Variants in AKAP9 observed in about 807,000 individuals in gnomAD.
The protein encoded by AKAP9 is A-kinase anchoring protein 9.
A neutral mutation model predicts 488.5 loss-of-function variants in AKAP9; 311 were observed. The observed-to-expected ratio is 0.64, with a 90% CI of 0.58 to 0.70. The LOEUF is 0.70. AKAP9 is among the 30% of genes least tolerant of loss of function. AKAP9 has a pLI of 0.00. For missense variants in AKAP9, 4,215 were observed against 4,374.5 expected, an observed-to-expected ratio of 0.96 and a Z score of 1.03; for synonymous variants, 1,462 against 1,483.5, an observed-to-expected ratio of 0.99 and a Z score of 0.33.
At chr7:92,107,522 A>G (rs1036767580) in intron 48 of AKAP9, 100 bp downstream of exon 48, 2 of 1,180,126 alleles carry the variant, frequency 1.7e-6, no homozygotes, top group African/African-American at 3.1e-5. Flanking sequence ...GCATTGAGAT[A>G]GACATCTTTG....
intron 1 of AKAP9, among the ~76,000 whole-genome samples, chr7:91,948,173 T>G (rs911861753): frequency 3.9e-5 from 6 of 152,250 alleles, no homozygotes; most frequent in African/African-American, 7.2e-5. Flanking sequence ...TATACCATAA[T>G]TTGTCCAATG....
At position 92,079,948 on chromosome 7, in the gene AKAP9, C is replaced by A; in HGVS notation, c.7815C>A (p.Thr2605=). The change falls in exon 31 of 50, where the codon ACC becomes ACA. Residue 2605 remains threonine, a synonymous_variant. Transcript: ENST00000356239. Reference sequence around the variant, plus strand: ...TGGGGTCAGATATATCAGCATTAACCTTGAGAATATCAGAATTAGAAAGCC... The same window carrying A: ...TGGGGTCAGATATATCAGCATTAACATTGAGAATATCAGAATTAGAAAGCC... ...DELGSDISAL[T]LRISELESQV... is the part of the protein sequence containing the mutation. The A allele has an allele frequency of 6.3e-7, 1 of 1,598,828 alleles. No individual in the cohort carries two copies. Among genetic ancestry groups the A allele is most frequent in the South Asian group, 1.1e-5 (1 of 87,204 alleles).
chr7:91,987,154 C>G (rs1482167299), intron 3 of AKAP9, among the ~76,000 whole-genome samples: 1 of 152,112 alleles, frequency 6.6e-6, no homozygotes, highest in Non-Finnish European at 1.5e-5. Context: ...GTGGCTCATT[C>G]ATGCCTGTAA....
intron 16 of AKAP9, among the ~76,000 whole-genome samples, chr7:92,033,341 T>G (rs1804594828): frequency 6.6e-6 from 1 of 152,150 alleles, no homozygotes; most frequent in Admixed American, 6.5e-5. Context: ...TAATATAGAT[T>G]GTTGATATTA....
Position 92,097,673 on chromosome 7 carries a change from G to T in AKAP9, c.10486G>T (p.Ala3496Ser), listed in dbSNP as rs759219564. 13 of 1,613,972 alleles carry T rather than the reference G, an allele frequency of 8.1e-6. No homozygotes were observed. The highest frequency in any genetic ancestry group is 1.3e-5 in the African/African-American group (1 of 75,020). ...AGGAGAAACAAAAGAATCAAACTAC[G>T]CTAAATTGATTGAAATGAATGGAGG... Reference protein sequence around the residue: ...IEGETKESNYAKLIEMNGGGT... With the variant: ...IEGETKESNYSKLIEMNGGGT... Residue 3496 changes from alanine (A) to serine (S), a missense_variant, in exon 42 of 50, where the codon GCT becomes TCT. Transcript: ENST00000356239.
In AKAP9 at chr7:92,004,050, A is replaced by G. The variant is rs901496836; in HGVS notation, c.3318+815A>G. Among the ~76,000 whole-genome samples, 38 of 152,228 alleles carry G rather than the reference A, an allele frequency of 2.5e-4. 1 individual carries two copies. The highest frequency in any genetic ancestry group is 1.2e-4 in the Non-Finnish European group (8 of 68,028). On this transcript the variant is annotated intron_variant, in intron 8 of 49. Coordinates refer to ENST00000356239, the MANE Select transcript of AKAP9 (RefSeq NM_005751.5). ...GTGAGGGAGGCAGATGATAAATGAAACAAGTAGGATAGTGAGAAATAGTGA... is the reference window on the plus strand; with the variant it reads ...GTGAGGGAGGCAGATGATAAATGAAGCAAGTAGGATAGTGAGAAATAGTGA...
Position 92,097,607 on chromosome 7 carries a change from A to G in AKAP9, c.10420A>G (p.Ser3474Gly), listed in dbSNP as rs1256625939. The G allele has an allele frequency of 6.2e-7, 1 of 1,613,676 alleles. No individual in the cohort carries two copies. Among genetic ancestry groups the G allele is most frequent in the South Asian group, 1.1e-5 (1 of 91,050 alleles). ...LNEPTTWSLTSDRTRNWVLQQ... is the reference protein window; with the variant it reads ...LNEPTTWSLTGDRTRNWVLQQ... Reference sequence around the variant, plus strand: ...CCAGCCAACCACGTGGAGCTTAACCAGTGATAGAACTAGAAATTGGGTTCT... The same window carrying G: ...CCAGCCAACCACGTGGAGCTTAACCGGTGATAGAACTAGAAATTGGGTTCT... Residue 3474 changes from serine (S) to glycine (G), a missense_variant, in exon 42 of 50, where the codon AGT becomes GGT. Around this residue, in one of 5 missense-constraint regions of AKAP9, gnomAD observed 1,476 missense variants for 1,477.4 expected, o/e 1.00. Coordinates refer to ENST00000356239, the MANE Select transcript of AKAP9 (RefSeq NM_005751.5).
chr7:92,096,401 C>G (rs1816584566), intron 40 of AKAP9, among the ~76,000 whole-genome samples: 1 of 145,788 alleles, frequency 6.9e-6, no homozygotes, highest in South Asian at 2.2e-4. Flanking sequence ...GTGGTGCAAT[C>G]TAGGCTCACT....
chr7:92,038,683 C>A lies in AKAP9; in HGVS notation c.4603C>A (p.Pro1535Thr). The A allele has an allele frequency of 6.2e-7, 1 of 1,608,522 alleles. No homozygotes were observed. The highest frequency in any genetic ancestry group is 1.1e-5 in the South Asian group (1 of 89,964). The change falls in exon 17 of 50, where the codon CCC becomes ACC. Residue 1535 changes from proline to threonine, a missense_variant. Pro to Thr is a conservative substitution (Grantham distance 38). Around this residue, in one of 5 missense-constraint regions of AKAP9, gnomAD observed 2,361 missense variants for 2,430.0 expected, o/e 0.97. Transcript: ENST00000356239. ...GGAAATTTTATTATCAAATAGTGAT[C>A]CCCATGATATACCAGAATCAAAGGA... ...GKEILLSNSD[P>T]HDIPESKDCV...
intron 1 of AKAP9, among the ~76,000 whole-genome samples, chr7:91,971,443 C>A (rs1218662896): frequency 6.6e-6 from 1 of 151,548 alleles, no homozygotes; most frequent in Non-Finnish European, 1.5e-5. Context: ...TCACAGAGTT[C>A]ACATATTTCT....
At chr7:92,066,660 A>C in intron 26 of AKAP9, 114 bp downstream of exon 26, 1 of 1,336,984 alleles carries the variant, frequency 7.5e-7, no homozygotes, top group Non-Finnish European at 1.1e-6. Context: ...TAAATCTTCA[A>C]AATCAGAAAA....
chr7:92,100,062 AC>A (rs1216208037), intron 44 of AKAP9, 193 bp downstream of exon 44: 40 of 539,712 alleles, frequency 7.4e-5, no homozygotes, highest in East Asian at 3.1e-4. Context: ...TTTATTGGAA[AC>A]CATCTCTGTA....
chr7:91,968,288 G>A (rs369273780), intron 1 of AKAP9, among the ~76,000 whole-genome samples: 5 of 152,106 alleles, frequency 3.3e-5, no homozygotes, highest in African/African-American at 1.2e-4. Flanking sequence ...TTGTTGGTTT[G>A]TTGAGGTTTT....
Position 92,077,835 on chromosome 7 carries a change from C to G in AKAP9, c.6905C>G (p.Thr2302Arg), listed in dbSNP as rs368444006. The part of the protein sequence containing the change: ...VEIDQLNEQV[T>R]KLQQQLKITT... ...ATTGACCAATTAAATGAACAAGTTA[C>G]GAAACTCCAGCAGCAACTTAAAATT... The change falls in exon 30 of 50, where the codon ACG (threonine) becomes AGG (arginine). Residue 2302 changes from threonine (T) to arginine (R), a missense_variant. Thr to Arg is a moderately conservative substitution (Grantham distance 71). This residue lies in a region of AKAP9 where 1,476 missense variants were observed against 1,477.4 expected (regional missense o/e 1.00). Coordinates refer to ENST00000356239, the MANE Select transcript of AKAP9 (RefSeq NM_005751.5). The G allele has an allele frequency of 6.2e-7, 1 of 1,613,416 alleles. No homozygotes were observed. The highest frequency in any genetic ancestry group is 8.5e-7 in the Non-Finnish European group (1 of 1,179,726).
intron 7 of AKAP9, 74 bp downstream of exon 7, chr7:91,995,874 T>C (rs1209741499): frequency 2.6e-6 from 3 of 1,135,816 alleles, no homozygotes; most frequent in African/African-American, 3.2e-5. Flanking sequence ...AAGTGGTTTT[T>C]TTTTGTTAGG....
intron 38 of AKAP9, chr7:92,090,496 GCCTGTAAGGCCAGCCACT>G (rs961811566): frequency 6.6e-6 from 1 of 152,182 alleles, no homozygotes; most frequent in Non-Finnish European, 1.5e-5. Flanking sequence ...GGTGGCGGGT[GCCTGTAAGGCCAGCCACT>G]CAGGAGACTG....
intron 1 of AKAP9, among the ~76,000 whole-genome samples, chr7:91,955,341 T>G (rs1451326840): frequency 6.6e-6 from 1 of 152,154 alleles, no homozygotes; most frequent in Non-Finnish European, 1.5e-5. Context: ...AAAGAACACC[T>G]CTATACCTAT....
rs766201022 is a variant in AKAP9, at chr7:92,089,422, A to T, written c.9251A>T (p.Lys3084Ile). 6.2e-7 allele frequency: 1 copy of T among 1,612,144 alleles called. No individual in the cohort carries two copies. The highest frequency in any genetic ancestry group is 1.7e-5 in the Admixed American group (1 of 60,016). Residue 3084 changes from lysine to isoleucine, a missense_variant, in exon 38 of 50, where the codon AAA (lysine) becomes ATA (isoleucine). Transcript: ENST00000356239. ...EYQAAMECLQ[K>I]ADRRSLLSEI... ...CAAGCAGCTATGGAATGCCTCCAGA[A>T]AGCAGATAGAAGGAGTTTGTTATCT...
chr7:91,955,822 CAG>C (rs1446919995), intron 1 of AKAP9, among the ~76,000 whole-genome samples: 2 of 152,122 alleles, frequency 1.3e-5, no homozygotes, highest in Admixed American at 1.3e-4. Context: ...TTGGTAGAAA[CAG>C]GGTCTCGCCG....
Sources: allele counts gnomAD v4.1 joint callset (sites outside exome capture counted in the v4.1 genomes callset), GRCh38; gene constraint gnomAD v4.1.1; regional missense constraint gnomAD v4.1.1; transcripts MANE v1.5; gene names NCBI Gene and HGNC (gene_info 2026-07-23, HGNC 2026-07-21).